Variants in MALRD1 observed in about 807,000 individuals in gnomAD.
The protein encoded by MALRD1 is MAM and LDL-receptor class A domain-containing protein 1.
Under a neutral mutation model 242.1 loss-of-function variants are expected in MALRD1, and 247 were observed. The observed-to-expected ratio is 1.02, with a 90% confidence interval of 0.92 to 1.13. The LOEUF (loss-of-function observed/expected upper bound fraction) is 1.13. Among genes scored for constraint, MALRD1 ranks in the 50% most tolerant of loss-of-function variants. MALRD1 has a pLI of 0.00. For missense variants in MALRD1, 2,989 were observed against 2,533.1 expected (o/e 1.18, Z -3.86); for synonymous variants, 995 against 866.6 (o/e 1.15, Z -2.60).
chr10:19,251,086 A>G (rs1839274918), intron 18 of MALRD1, among the ~76,000 whole-genome samples: 1 of 151,974 alleles, frequency 6.6e-6, no homozygotes, highest in South Asian at 2.1e-4. Flanking sequence ...CCTTCAGAAG[A>G]GTATGAAATG....
At chr10:19,257,656 AT>A in intron 18 of MALRD1, 27 bp from the exon 19 acceptor site, 1 of 1,446,932 alleles carries the variant, frequency 6.9e-7, no homozygotes, top group Admixed American at 2.0e-5. Flanking sequence ...CACATTTCTT[AT>A]TTTTATTTTT....
At chr10:19,453,554 C>A (rs545852237) in intron 29 of MALRD1, among the ~76,000 whole-genome samples, 1 of 152,092 alleles carries the variant, frequency 6.6e-6, no homozygotes, top group Non-Finnish European at 1.5e-5. Context: ...AATGACTAAT[C>A]TGGGCAACAT....
At chr10:19,155,270 A>C in intron 12 of MALRD1, 98 bp downstream of exon 12, 1 of 524,070 alleles carries the variant, frequency 1.9e-6, no homozygotes, top group South Asian at 1.0e-4. Context: ...TTTTACTAGC[A>C]CTTTAATGAT....
At chr10:19,679,717 G>T (rs2131788051) in intron 36 of MALRD1, among the ~76,000 whole-genome samples, 1 of 151,402 alleles carries the variant, frequency 6.6e-6, no homozygotes. Context: ...TTTCCTCTTG[G>T]TTCTCTAGTT....
At chr10:19,415,544 C>T (rs938014366) in intron 28 of MALRD1, among the ~76,000 whole-genome samples, 20 of 151,958 alleles carry the variant, frequency 1.3e-4, no homozygotes, top group African/African-American at 4.8e-4. Flanking sequence ...ACTATTTCTG[C>T]ATGTAGATCA....
chr10:19,605,584 T>C (rs565573365), intron 34 of MALRD1, among the ~76,000 whole-genome samples: 20 of 151,840 alleles, frequency 1.3e-4, no homozygotes, highest in South Asian at 6.2e-4. Flanking sequence ...AGAAAACTTA[T>C]TGATTTTCCA....
chr10:19,700,308 G>A (rs949837377), intron 38 of MALRD1, among the ~76,000 whole-genome samples: 12 of 152,030 alleles, frequency 7.9e-5, no homozygotes, highest in Admixed American at 3.3e-4. Context: ...TTCCTTGCTC[G>A]AGGCAGCAGC....
chr10:19,051,362 C>G (rs1009476139), intron 1 of MALRD1: 3 of 151,822 alleles, frequency 2.0e-5, no homozygotes, highest in African/African-American at 4.8e-5. Flanking sequence ...GTCAACTTTT[C>G]TGAATAAAAT....
chr10:19,240,533 T>A (rs1301050328), intron 18 of MALRD1, among the ~76,000 whole-genome samples: 1 of 152,066 alleles, frequency 6.6e-6, no homozygotes, highest in Non-Finnish European at 1.5e-5. Flanking sequence ...CTGACCTCCT[T>A]CTTTCCAGTT....
chr10:19,296,183 G>C (rs1486007795), intron 21 of MALRD1, among the ~76,000 whole-genome samples: 3 of 152,072 alleles, frequency 2.0e-5, no homozygotes, highest in Non-Finnish European at 2.9e-5. Context: ...AATATTTCAT[G>C]CTCCAAAATA....
chr10:19,381,227 A>G (rs1845825924), intron 26 of MALRD1, among the ~76,000 whole-genome samples: 1 of 150,966 alleles, frequency 6.6e-6, no homozygotes, highest in Non-Finnish European at 1.5e-5. Flanking sequence ...TGTCCCTACA[A>G]AGGACATGAA....
At chr10:19,143,108 G>A (rs1833607471) in intron 10 of MALRD1, among the ~76,000 whole-genome samples, 3 of 152,320 alleles carry the variant, frequency 2.0e-5, no homozygotes, top group South Asian at 4.1e-4. Flanking sequence ...TCAAAGGATG[G>A]TGGTGTTTAG....
chr10:19,586,478 C>T (rs1399703912), intron 33 of MALRD1, among the ~76,000 whole-genome samples: 1 of 152,164 alleles, frequency 6.6e-6, no homozygotes, highest in African/African-American at 2.4e-5. Flanking sequence ...TGTTGGAGTA[C>T]CCGGCCGTGT....
At chr10:19,646,767 T>G (rs2131694164) in intron 36 of MALRD1, among the ~76,000 whole-genome samples, 1 of 152,332 alleles carries the variant, frequency 6.6e-6, no homozygotes, top group African/African-American at 2.4e-5. Context: ...TATATAATGC[T>G]AATGATAATC....
chr10:19,052,815 C>A (rs1470994961), intron 1 of MALRD1, among the ~76,000 whole-genome samples: 1 of 152,172 alleles, frequency 6.6e-6, no homozygotes, highest in Non-Finnish European at 1.5e-5. Flanking sequence ...CCTCTACTCC[C>A]CTCTGAGATT....
intron 36 of MALRD1, among the ~76,000 whole-genome samples, chr10:19,681,800 C>G (rs999781059): frequency 2.0e-5 from 3 of 150,744 alleles, no homozygotes; most frequent in Non-Finnish European, 2.9e-5. Flanking sequence ...ATGACTTTCT[C>G]TATCTTTTGT....
intron 21 of MALRD1, among the ~76,000 whole-genome samples, chr10:19,315,210 TTATATAAA>T (rs1322762190): frequency 1.7e-5 from 2 of 119,342 alleles, no homozygotes; most frequent in South Asian, 2.5e-4. Context: ...GAAATATAAT[TTATATAAA>T]TATATAAATA....
chr10:19,335,207 T>A (rs1843554359), intron 24 of MALRD1, among the ~76,000 whole-genome samples: 1 of 149,364 alleles, frequency 6.7e-6, no homozygotes, highest in South Asian at 2.1e-4. Flanking sequence ...TTTTTTTTTT[T>A]AGATTTGAGT....
chr10:19,612,629 A>G (rs1056916481), intron 35 of MALRD1, among the ~76,000 whole-genome samples: 3 of 151,912 alleles, frequency 2.0e-5, no homozygotes, highest in Non-Finnish European at 4.4e-5. Flanking sequence ...TAAAAAAAAA[A>G]TAGGTTTCAT....
Sources: allele counts gnomAD v4.1 joint callset (sites outside exome capture counted in the v4.1 genomes callset), GRCh38; gene constraint gnomAD v4.1.1; transcripts MANE v1.5; gene names NCBI Gene and HGNC (gene_info 2026-07-23, HGNC 2026-07-21).